The following DUSP16 variants were observed in gnomAD, a reference collection of about 807,000 sequenced individuals.
DUSP16 encodes dual specificity phosphatase 16.
Under a neutral mutation model 58.3 loss-of-function variants are expected in DUSP16, and 21 were observed. That is an observed-to-expected ratio of 0.36 (90% CI 0.26 to 0.52). DUSP16 has a LOEUF of 0.52. DUSP16 is among the 20% of genes least tolerant of loss of function. The probability of loss-of-function intolerance (pLI) is 0.94; values close to 1 mark genes in which losing one functional copy is unlikely to be tolerated. For missense variants in DUSP16, 726 were observed against 819.0 expected (o/e 0.89, Z 1.39); for synonymous variants, 320 against 323.8 (o/e 0.99, Z 0.12).
In DUSP16 at chr12:12,487,053, C is replaced by A. The variant is rs767556460; in HGVS notation, c.666G>T (p.Trp222Cys). The A allele has an allele frequency of 1.2e-6, 2 of 1,613,976 alleles. No individual in the cohort carries two copies. The highest frequency in any genetic ancestry group is 2.7e-5 in the African/African-American group (2 of 74,912). ...CAATGAAATCTACTGATTTGTCCAA[C>A]CACGGCAAAATTTTCTCACAAAAGC... Reference protein sequence around the residue: ...NDSFCEKILPWLDKSVDFIEK... With the variant: ...NDSFCEKILPCLDKSVDFIEK... The change falls in exon 5 of 7, where the codon TGG becomes TGT. Residue 222 changes from tryptophan (W) to cysteine (C), a missense_variant. Trp to Cys is a radical substitution (Grantham distance 215). Coordinates refer to ENST00000298573, the MANE Select transcript of DUSP16 (RefSeq NM_030640.3).
chr12:12,552,452 AAAT>A (rs1944743087), intron 1 of DUSP16, among the ~76,000 whole-genome samples: 1 of 151,700 alleles, frequency 6.6e-6, no homozygotes, highest in African/African-American at 2.4e-5. Flanking sequence ...TCAAAAAAAT[AAAT>A]AAATAAATAA....
intron 3 of DUSP16, among the ~76,000 whole-genome samples, chr12:12,508,235 T>C (rs1944026346): frequency 6.6e-6 from 1 of 152,150 alleles, no homozygotes; most frequent in Non-Finnish European, 1.5e-5. Context: ...AACTTTATTC[T>C]CTAGACACTC....
At chr12:12,517,838 G>T (rs1028557542) in intron 3 of DUSP16, among the ~76,000 whole-genome samples, 1 of 152,162 alleles carries the variant, frequency 6.6e-6, no homozygotes, top group Admixed American at 6.5e-5. Flanking sequence ...TTGCCGTTAG[G>T]CCTAAGAAAC....
At chr12:12,488,887 CT>C (rs1449965583) in intron 4 of DUSP16, among the ~76,000 whole-genome samples, 2 of 152,146 alleles carry the variant, frequency 1.3e-5, no homozygotes, top group African/African-American at 4.8e-5. Flanking sequence ...TGAAACCAGC[CT>C]GACCAACATG....
chr12:12,556,393 TATAAAAATA>T (rs1481566920), intron 1 of DUSP16, among the ~76,000 whole-genome samples: 4 of 151,992 alleles, frequency 2.6e-5, no homozygotes, highest in East Asian at 1.9e-4. Context: ...CCCCCATCTC[TATAAAAATA>T]ATAAAAATAA....
intron 1 of DUSP16, among the ~76,000 whole-genome samples, chr12:12,550,068 T>C (rs1592212139): frequency 6.6e-6 from 1 of 151,728 alleles, no homozygotes; most frequent in Admixed American, 6.6e-5. Flanking sequence ...AGGTTAGGAG[T>C]TGAAGACCAG....
chr12:12,526,365 G>A lies in DUSP16; in HGVS notation c.-365-4902C>T, dbSNP rs992463402. Among the ~76,000 whole-genome samples, 24 of 152,152 alleles carry A rather than the reference G, an allele frequency of 1.6e-4. No individual in the cohort carries two copies. In the South Asian group the frequency reaches 3.5e-3, roughly 22 times the overall value. ...TGGTTACTTATGGAAATGTATTTAT[G>A]ACTATAACAGAAATCACTGGAGTTT... is the stretch of plus-strand genomic sequence containing the variant. On this transcript the variant is annotated intron_variant, in intron 1 of 6. Transcript: ENST00000298573.
At chr12:12,530,882 C>A (rs1592198321) in intron 1 of DUSP16, among the ~76,000 whole-genome samples, 1 of 152,110 alleles carries the variant, frequency 6.6e-6, no homozygotes, top group East Asian at 1.9e-4. Flanking sequence ...AGGATCTTTA[C>A]ATTAAAAATT....
intron 1 of DUSP16, among the ~76,000 whole-genome samples, chr12:12,555,816 G>A (rs1290049370): frequency 2.0e-5 from 3 of 152,200 alleles, no homozygotes; most frequent in Non-Finnish European, 2.9e-5. Context: ...GCCGAGGTGG[G>A]AGGATTGATT....
chr12:12,551,370 G>A (rs1472912993), intron 1 of DUSP16, among the ~76,000 whole-genome samples: 1 of 151,354 alleles, frequency 6.6e-6, no homozygotes, highest in Non-Finnish European at 1.5e-5. Flanking sequence ...GCCAGGCGTG[G>A]TGGTGCGTGT....
intron 4 of DUSP16, among the ~76,000 whole-genome samples, chr12:12,488,170 G>A (rs1022288127): frequency 2.0e-5 from 3 of 151,992 alleles, no homozygotes; most frequent in South Asian, 2.1e-4. Flanking sequence ...CACCCCCAAC[G>A]TCAAATGTAT....
chr12:12,504,866 G>C (rs1943968856), intron 3 of DUSP16, among the ~76,000 whole-genome samples: 1 of 152,016 alleles, frequency 6.6e-6, no homozygotes, highest in South Asian at 2.1e-4. Context: ...GACAAAGTGA[G>C]ACCCTGTCTC....
intron 3 of DUSP16, among the ~76,000 whole-genome samples, chr12:12,508,533 G>A (rs1944029918): frequency 6.6e-6 from 1 of 152,066 alleles, no homozygotes; most frequent in Admixed American, 6.5e-5. Flanking sequence ...CTCTCCAATT[G>A]AGCCATACTA....
intron 3 of DUSP16, among the ~76,000 whole-genome samples, chr12:12,501,720 G>A (rs910556140): frequency 1.1e-4 from 16 of 152,258 alleles, no homozygotes; most frequent in African/African-American, 3.6e-4. Context: ...GGCAGGGCTC[G>A]GTGGCTCACG....
intron 4 of DUSP16, among the ~76,000 whole-genome samples, chr12:12,491,888 GCAGGAGGACCTA>G (rs1849813387): frequency 6.6e-6 from 1 of 152,130 alleles, no homozygotes; most frequent in South Asian, 2.1e-4. Flanking sequence ...GTAAACCCCT[GCAGGAGGACCTA>G]CAGTCTGATG....
intron 4 of DUSP16, among the ~76,000 whole-genome samples, chr12:12,496,179 G>T (rs538800240): frequency 1.1e-4 from 17 of 152,280 alleles, no homozygotes. Context: ...TAATGAATAG[G>T]TCTTGTCTAA....
chr12:12,544,569 C>A (rs1298206578), intron 1 of DUSP16, among the ~76,000 whole-genome samples: 1 of 152,164 alleles, frequency 6.6e-6, no homozygotes, highest in Non-Finnish European at 1.5e-5. Flanking sequence ...ATTTACAATT[C>A]CAGAATCCAT....
At chr12:12,526,810 A>G (rs896545118) in intron 1 of DUSP16, among the ~76,000 whole-genome samples, 10 of 152,098 alleles carry the variant, frequency 6.6e-5, no homozygotes, top group African/African-American at 2.2e-4. Context: ...TCACACACAC[A>G]ATTTTTTTCT....
intron 1 of DUSP16, among the ~76,000 whole-genome samples, chr12:12,551,348 CA>C (rs936916925): frequency 2.0e-5 from 3 of 148,828 alleles, no homozygotes; most frequent in Non-Finnish European, 4.5e-5. Context: ...ACTAAAAATA[CA>C]AAAAAAATCA....
Sources: allele counts gnomAD v4.1 joint callset (sites outside exome capture counted in the v4.1 genomes callset), GRCh38; gene constraint gnomAD v4.1.1; transcripts MANE v1.5; gene names NCBI Gene and HGNC (gene_info 2026-07-23, HGNC 2026-07-21).